Variants in RTCA observed in about 807,000 individuals in gnomAD.
The protein encoded by RTCA is RNA terminal phosphate cyclase domain 1.
In RTCA, 37 loss-of-function variants were observed where a neutral mutation model predicts 46.1. The ratio of observed to expected loss-of-function variants is 0.80; its 90% CI spans 0.62 to 1.06. RTCA has a LOEUF of 1.06. RTCA is among the 50% of genes least tolerant of loss of function. RTCA has a pLI of 0.00. For missense variants in RTCA, 435 were observed against 455.5 expected (o/e 0.95, Z 0.41); for synonymous variants, 164 against 158.3 (o/e 1.04, Z -0.27).
intron 2 of RTCA, 30 bp from the exon 3 acceptor site, chr1:100,268,122 C>T (rs146120595): frequency 1.2e-6 from 2 of 1,610,606 alleles, no homozygotes; most frequent in African/African-American, 1.3e-5. Flanking sequence ...TCTGAATGCA[C>T]ACGTTTTGAT....
Position 100,291,610 on chromosome 1 carries a change from GA to G in RTCA, c.*108del. 5 of 703,592 alleles carry G rather than the reference GA, an allele frequency of 7.1e-6. No homozygotes were observed. The highest frequency in any genetic ancestry group is 1.2e-5 in the Non-Finnish European group (5 of 418,112). 43.6% of individuals were successfully genotyped at this position (703,592 alleles called of 1,614,324 possible). On this transcript the variant is annotated 3_prime_UTR_variant, in exon 11 of 11. Coordinates refer to ENST00000370128, the MANE Select transcript of RTCA (RefSeq NM_003729.4). ...TTATTAAAGGCTATGACTTAAATTT[GA>G]AGATGAAGTACAGTGTTCTAGGTTT...
chr1:100,273,990 C>A (rs192466789), intron 5 of RTCA, among the ~76,000 whole-genome samples: 2 of 152,188 alleles, frequency 1.3e-5, no homozygotes, highest in East Asian at 1.9e-4. Context: ...TGTATTCTAA[C>A]AATATGTTTG....
At chr1:100,282,931 C>T (rs893445014) in intron 8 of RTCA, among the ~76,000 whole-genome samples, 3 of 152,040 alleles carry the variant, frequency 2.0e-5, no homozygotes, top group African/African-American at 7.3e-5. Flanking sequence ...CACAGACTCC[C>T]GAGTAGCTGG....
At chr1:100,268,593 G>A (rs957053574) in intron 3 of RTCA, among the ~76,000 whole-genome samples, 2 of 151,888 alleles carry the variant, frequency 1.3e-5, no homozygotes, top group African/African-American at 4.8e-5. Flanking sequence ...ACAAGGTTTC[G>A]CCATGTTTTT....
chr1:100,281,105 T>C, intron 8 of RTCA: 1 of 476,658 alleles, frequency 2.1e-6, no homozygotes, highest in Non-Finnish European at 4.2e-6. Context: ...CCATAGGTGG[T>C]AGAGGCAGGA....
intron 5 of RTCA, among the ~76,000 whole-genome samples, chr1:100,274,010 C>A (rs775456945): frequency 6.6e-6 from 1 of 152,136 alleles, no homozygotes; most frequent in Admixed American, 6.6e-5. Flanking sequence ...GCTTGTTATT[C>A]CTTAAATATG....
Position 100,268,258 on chromosome 1 carries a change from A to T in RTCA, c.253A>T (p.Lys85Ter). 1 of 1,614,108 alleles carries T rather than the reference A, an allele frequency of 6.2e-7. No individual in the cohort carries two copies. Among genetic ancestry groups the T allele is most frequent in the South Asian group, 1.1e-5 (1 of 91,064 alleles). ...TEITFTPEKI[K>*]GGIHTADTKT... ...AATAACCTTTACACCAGAGAAGATC[A>T]AAGGTGGAATCCACACAGCAGATAC... Residue 85 changes from lysine (K) to a stop codon, truncating the protein, a stop_gained, in exon 3 of 11, where the codon AAA (lysine) becomes TAA (stop). Coordinates refer to ENST00000370128, the MANE Select transcript of RTCA (RefSeq NM_003729.4). LOFTEE classifies it high-confidence loss of function.
chr1:100,268,223 G>C lies in RTCA; in HGVS notation c.218G>C (p.Gly73Ala). The change falls in exon 3 of 11, where the codon GGC (glycine) becomes GCC (alanine). Residue 73 changes from glycine to alanine, a missense_variant. Gly to Ala is a moderately conservative substitution (Grantham distance 60). Coordinates refer to ENST00000370128, the MANE Select transcript of RTCA (RefSeq NM_003729.4). ...CDGQLEGAEIGSTEITFTPEK... is the reference protein window; with the variant it reads ...CDGQLEGAEIASTEITFTPEK... Reference sequence around the variant, plus strand: ...GGGCAACTGGAGGGGGCAGAAATTGGCTCAACAGAAATAACCTTTACACCA... The same window carrying C: ...GGGCAACTGGAGGGGGCAGAAATTGCCTCAACAGAAATAACCTTTACACCA... 1 of 1,614,112 alleles carries C rather than the reference G, an allele frequency of 6.2e-7. No individual in the cohort carries two copies. The highest frequency in any genetic ancestry group is 1.1e-5 in the South Asian group (1 of 91,084).
intron 2 of RTCA, 93 bp from the exon 3 acceptor site, chr1:100,268,059 T>C: frequency 6.5e-7 from 1 of 1,549,112 alleles, no homozygotes; most frequent in Non-Finnish European, 8.7e-7. Context: ...CCTTGCTGTT[T>C]TCTTGCCATT....
intron 2 of RTCA, chr1:100,267,203 C>T (rs1665829748): frequency 9.5e-6 from 3 of 317,200 alleles, no homozygotes; most frequent in East Asian, 5.2e-5. Flanking sequence ...GTACATGCAC[C>T]TGCTAGAAGA....
At position 100,266,662 on chromosome 1, in the gene RTCA, G is replaced by A. The variant is rs1234442535; in HGVS notation, c.146+38G>A. Reference sequence around the variant, plus strand: ...GGAGGGGGAGTTGGGCCGTGAAGCTGGGGGATCGGGGGGTCGGGCTGCCGG... The same window carrying A: ...GGAGGGGGAGTTGGGCCGTGAAGCTAGGGGATCGGGGGGTCGGGCTGCCGG... On this transcript the variant is annotated intron_variant, in intron 2 of 10. Transcript: ENST00000370128. The A allele has an allele frequency of 9.8e-6, 15 of 1,529,412 alleles. No homozygotes were observed. In the African/African-American group the frequency reaches 1.9e-4, roughly 20 times the overall value. 94.7% of individuals were successfully genotyped at this position (1,529,412 alleles called of 1,614,324 possible).
chr1:100,274,839 AG>A lies in RTCA; in HGVS notation c.494del (p.Gly165ValfsTer4). 1 of 1,611,882 alleles carries A rather than the reference AG, an allele frequency of 6.2e-7. No individual in the cohort carries two copies. The highest frequency in any genetic ancestry group is 8.5e-7 in the Non-Finnish European group (1 of 1,178,456). ...DIKTRGYYPK[G>X]GGEVIVRMSP... ...CTTTTCATAGGGGATATTACCCAAA[AG>A]GGGGTGGTGAAGTGATTGTTCGAAT... On this transcript the variant is annotated frameshift_variant, in exon 6 of 11. Transcript: ENST00000370128. LOFTEE classifies it high-confidence loss of function.
Position 100,273,403 on chromosome 1 carries a change from C to A in RTCA, c.424C>A (p.Pro142Thr). Residue 142 changes from proline to threonine, a missense_variant, in exon 5 of 11, where the codon CCA (proline) becomes ACA (threonine). By Grantham distance (38) the Pro-to-Thr change is conservative. Coordinates refer to ENST00000370128, the MANE Select transcript of RTCA (RefSeq NM_003729.4). Reference protein sequence around the residue: ...QIDYTVMVFKPIVEKFGFIFN... With the variant: ...QIDYTVMVFKTIVEKFGFIFN... ...AAACTGATTTTTTCAGGTCTTCAAG[C>A]CAATTGTTGAAAAATTTGGTTTCAT... The A allele has an allele frequency of 6.3e-7, 1 of 1,579,698 alleles. No individual in the cohort carries two copies. The highest frequency in any genetic ancestry group is 8.6e-7 in the Non-Finnish European group (1 of 1,159,684).
At chr1:100,283,318 A>G (rs1016342779) in intron 8 of RTCA, among the ~76,000 whole-genome samples, 1 of 151,644 alleles carries the variant, frequency 6.6e-6, no homozygotes, top group Non-Finnish European at 1.5e-5. Flanking sequence ...CTACAATCGC[A>G]CACAACCATG....
intron 6 of RTCA, among the ~76,000 whole-genome samples, chr1:100,275,198 T>C (rs1262026651): frequency 6.6e-6 from 1 of 152,064 alleles, no homozygotes; most frequent in African/African-American, 2.4e-5. Flanking sequence ...TGAATACACA[T>C]GGACATAAAG....
rs200994977 is a variant in RTCA, at chr1:100,275,391, AATATATGT to A, written c.616-205_616-198del. 9.4e-3 allele frequency among the ~76,000 whole-genome samples: 1,428 copies of A among 152,330 alleles called. 19 individuals carry two copies. The highest frequency in any genetic ancestry group is 0.032 in the South Asian group (155 of 4,826). The stretch of plus-strand genomic sequence containing the variant: ...CTCCTGAACCTAAAATAAAAGATGA[AATATATGT>A]ATTAATGGATACATTAATTAACAAA... On this transcript the variant is annotated intron_variant, in intron 6 of 10. Coordinates refer to ENST00000370128, the MANE Select transcript of RTCA (RefSeq NM_003729.4).
chr1:100,269,424 G>GTA (rs1338554879), intron 3 of RTCA, among the ~76,000 whole-genome samples: 2 of 138,656 alleles, frequency 1.4e-5, no homozygotes, highest in Non-Finnish European at 3.0e-5. Flanking sequence ...ATGGCTCACT[G>GTA]TAGCCTTGAC....
intron 8 of RTCA, among the ~76,000 whole-genome samples, chr1:100,280,388 T>C (rs1366103153): frequency 2.0e-5 from 3 of 152,334 alleles, no homozygotes; most frequent in Middle Eastern, 3.4e-3. Context: ...TTTTCTCACT[T>C]TGTCACATGA....
chr1:100,268,339 T>C, intron 3 of RTCA, 44 bp downstream of exon 3: 1 of 1,503,420 alleles, frequency 6.7e-7, no homozygotes, highest in South Asian at 1.2e-5. Context: ...TGGGTTTAAG[T>C]CCAGGTTTTG....
Sources: gnomAD v4.1 joint callset for allele counts (sites outside exome capture counted in the v4.1 genomes callset) on GRCh38, gnomAD v4.1.1 for gene constraint, MANE v1.5 for transcripts, NCBI Gene and HGNC (gene_info 2026-07-23, HGNC 2026-07-21) for gene names.